ARMH1: variants seen among roughly 807,000 people sequenced by gnomAD.
The protein encoded by ARMH1 is armadillo like helical domain containing 1.
In ARMH1, 34 loss-of-function variants were observed where a neutral mutation model predicts 50.2. The ratio of observed to expected loss-of-function variants is 0.68; its 90% CI spans 0.51 to 0.90. The LOEUF (loss-of-function observed/expected upper bound fraction) is 0.90, where lower values mean the gene tolerates loss of function less well. Ranked by LOEUF, ARMH1 falls within the 40% of genes least tolerant of loss-of-function variation. The probability of loss-of-function intolerance (pLI) is 0.00; values close to 1 mark genes in which losing one functional copy is unlikely to be tolerated. For missense variants in ARMH1, 538 were observed against 553.9 expected (o/e 0.97, Z 0.29); for synonymous variants, 221 against 224.2 (o/e 0.99, Z 0.13).
intron 5 of ARMH1, among the ~76,000 whole-genome samples, chr1:44,703,561 A>G (rs1362050653): frequency 1.4e-3 from 74 of 53,846 alleles, no homozygotes; most frequent in Middle Eastern, 0.018. Context: ...CGTCTCTACT[A>G]AAAAAAAAAA....
In ARMH1 at chr1:44,724,327, G is replaced by C. The variant is rs1458398937; in HGVS notation, c.855G>C (p.Ser285=). The C allele has an allele frequency of 1.3e-6, 2 of 1,551,412 alleles. No individual in the cohort carries two copies. Among genetic ancestry groups the C allele is most frequent in the Non-Finnish European group, 1.7e-6 (2 of 1,146,974 alleles). The part of the protein sequence containing the change: ...KLQAKILSDP[S]VLQLTPSLPM... ...CGGCTGCCCCCTCCTCAGACCCCTC[G>C]GTTCTCCAGCTCACCCCCAGCCTGC... The change falls in exon 8 of 12, where the codon TCG becomes TCC. Residue 285 remains serine, a synonymous_variant. Transcript: ENST00000535358. The surrounding 1 kb of genome is among the most constrained non-coding windows in gnomAD (Gnocchi z 6.4).
intron 1 of ARMH1, among the ~76,000 whole-genome samples, chr1:44,680,557 G>A (rs1645274420): frequency 6.6e-6 from 1 of 152,228 alleles, no homozygotes; most frequent in African/African-American, 2.4e-5. Flanking sequence ...GGAGAAATCT[G>A]GGGGTGAAGC....
chr1:44,700,429 A>G (rs930354308), intron 4 of ARMH1, among the ~76,000 whole-genome samples: 3 of 152,088 alleles, frequency 2.0e-5, no homozygotes, highest in Admixed American at 6.5e-5. Flanking sequence ...CATCCTGGCT[A>G]ACACTGTGAA....
At chr1:44,708,098 T>C (rs779732911) in intron 6 of ARMH1, among the ~76,000 whole-genome samples, 53 of 152,304 alleles carry the variant, frequency 3.5e-4, no homozygotes, top group Admixed American at 1.6e-3. Flanking sequence ...ATGGTCAGAG[T>C]AGACGGGAAG....
At chr1:44,721,614 A>C (rs973546913) in intron 6 of ARMH1, among the ~76,000 whole-genome samples, 1 of 152,106 alleles carries the variant, frequency 6.6e-6, no homozygotes, top group African/African-American at 2.4e-5. Context: ...ACAAAATTAG[A>C]CAGGCTTATG....
At position 44,724,996 on chromosome 1, in the gene ARMH1, G is replaced by C. The variant is rs1187555873; in HGVS notation, c.1129-140G>C. On this transcript the variant is annotated intron_variant, in intron 10 of 11. Transcript: ENST00000535358. This position sits in a 1 kb window ranked among gnomAD's most constrained non-coding sequence, Gnocchi z 6.4. ...TGCTCTGGCGTAGGCTCCTCCACCC[G>C]CCACCTTCCTGTTCCCTTTCCTGCC... The C allele has an allele frequency of 6.7e-6, 10 of 1,502,966 alleles. No individual in the cohort carries two copies. The highest frequency in any genetic ancestry group is 8.9e-6 in the Non-Finnish European group (10 of 1,123,030). The allele number at this position is 1,502,966 out of a possible 1,614,324, so 93.1% of individuals were successfully genotyped here. A position where few individuals can be genotyped will look rare whatever the true frequency, so the allele number is the denominator to read the frequency against.
intron 6 of ARMH1, among the ~76,000 whole-genome samples, chr1:44,722,989 T>C (rs1240638939): frequency 2.7e-5 from 4 of 150,058 alleles, no homozygotes; most frequent in African/African-American, 9.9e-5. Context: ...GCAGGAGAAT[T>C]GCTTGAACCC....
At chr1:44,691,492 A>C (rs548159128) in intron 2 of ARMH1, among the ~76,000 whole-genome samples, 135 of 151,732 alleles carry the variant, frequency 8.9e-4, no homozygotes, top group African/African-American at 3.1e-3. Flanking sequence ...CACTTCTCAA[A>C]ACACTCCTGG....
Position 44,709,549 on chromosome 1 carries a change from G to T in ARMH1, c.724+5376G>T, listed in dbSNP as rs141233300. Among the ~76,000 whole-genome samples the T allele has an allele frequency of 8.5e-3, 1,286 of 152,152 alleles. 12 individuals are homozygous for T. Among genetic ancestry groups the T allele is most frequent in the Middle Eastern group, 0.014 (4 of 294 alleles). ...TAGCCGGGCGTAGTGGCATGCGCCT[G>T]TAGTCCCACCTACACGGGAGGCTGA... is the stretch of plus-strand genomic sequence containing the variant. On this transcript the variant is annotated intron_variant, in intron 6 of 11. Transcript: ENST00000535358.
intron 5 of ARMH1, 59 bp from the exon 6 acceptor site, chr1:44,704,030 A>C: frequency 7.1e-7 from 1 of 1,415,676 alleles, no homozygotes; most frequent in Non-Finnish European, 9.7e-7. Context: ...CCGGCCGGGA[A>C]TCCATCTTTA....
In ARMH1 at chr1:44,689,879, G is replaced by A. The variant is rs142681287; in HGVS notation, c.182G>A (p.Arg61His). 6.6e-5 allele frequency: 103 copies of A among 1,550,744 alleles called. No homozygotes were observed. The highest frequency in any genetic ancestry group is 4.6e-4 in the East Asian group (19 of 40,914). The part of the protein sequence containing the change: ...FSQGASLFLV[R>H]LTTSLRITYM... ...CAGGGAGCCAGTTTGTTCCTGGTAC[G>A]CTTGACCACCTCGCTTAGAATCACG... is the stretch of plus-strand genomic sequence containing the variant. Residue 61 changes from arginine (R) to histidine (H), a missense_variant, in exon 2 of 12, where the codon CGC (arginine) becomes CAC (histidine). Arg to His is a conservative substitution (Grantham distance 29). Transcript: ENST00000535358.
Position 44,725,507 on chromosome 1 carries a change from G to C in ARMH1, c.*104G>C, listed in dbSNP as rs151331348. On this transcript the variant is annotated 3_prime_UTR_variant, in exon 12 of 12. Transcript: ENST00000535358. The stretch of plus-strand genomic sequence containing the variant: ...TCAGAGCCACTCCACTTGGCTCCAG[G>C]GGGGAGACGGGGATTAGGCATCCCA... 32 of 1,142,014 alleles carry C rather than the reference G, an allele frequency of 2.8e-5. No homozygotes were observed. The highest frequency in any genetic ancestry group is 1.3e-4 in the East Asian group (5 of 39,098). 70.7% of individuals were successfully genotyped at this position (1,142,014 alleles called of 1,614,324 possible).
At chr1:44,713,942 TTTA>T (rs1395656819) in intron 6 of ARMH1, among the ~76,000 whole-genome samples, 2 of 152,172 alleles carry the variant, frequency 1.3e-5, no homozygotes, top group Non-Finnish European at 2.9e-5. Context: ...AAAATATATT[TTTA>T]TTGTTTCAAC....
At chr1:44,699,912 C>T (rs1442764016) in intron 4 of ARMH1, among the ~76,000 whole-genome samples, 1 of 151,800 alleles carries the variant, frequency 6.6e-6, no homozygotes, top group East Asian at 1.9e-4. Flanking sequence ...TCACTACAAC[C>T]TCCACCTCCC....
chr1:44,725,331 C>G lies in ARMH1; in HGVS notation c.1251C>G (p.Leu417=). Residue 417 remains leucine, a synonymous_variant, in exon 12 of 12, where the codon CTC becomes CTG. Coordinates refer to ENST00000535358, the MANE Select transcript of ARMH1 (RefSeq NM_001145636.2). ...LHGSSYSMNT[L]YGSRDSAQMA... Reference sequence around the variant, plus strand: ...GCAGCTCCTACAGCATGAACACTCTCTATGGCTCGCGCGATTCGGCTCAGA... The same window carrying G: ...GCAGCTCCTACAGCATGAACACTCTGTATGGCTCGCGCGATTCGGCTCAGA... 4 of 1,551,762 alleles carry G rather than the reference C, an allele frequency of 2.6e-6. No homozygotes were observed. Among genetic ancestry groups the G allele is most frequent in the Non-Finnish European group, 3.5e-6 (4 of 1,147,014 alleles).
chr1:44,713,097 C>CT (rs538780455), intron 6 of ARMH1, among the ~76,000 whole-genome samples: 2,899 of 118,820 alleles, frequency 0.024, 78 homozygotes, highest in African/African-American at 0.033. Context: ...TGCGCCCGGC[C>CT]TTTTTTTTTT....
Position 44,700,920 on chromosome 1 carries a change from C to T in ARMH1, c.443-3C>T. The T allele has an allele frequency of 1.3e-6, 2 of 1,540,392 alleles. No individual in the cohort carries two copies. The highest frequency in any genetic ancestry group is 2.1e-5 in the Admixed American group (1 of 47,866). On this transcript the variant is annotated splice_polypyrimidine_tract_variant and splice_region_variant and intron_variant, in intron 4 of 11. Transcript: ENST00000535358. ...TTTAGCATTTCCTCTCTTCTTTGCT[C>T]AGGTGTACGATCCATAGCAGAATTT...
At chr1:44,689,996 G>A in intron 2 of ARMH1, 93 bp downstream of exon 2, 9 of 1,097,564 alleles carry the variant, frequency 8.2e-6, no homozygotes, top group Non-Finnish European at 1.2e-5. Flanking sequence ...AAGGTGGGCA[G>A]ATCACAAGGT....
At position 44,703,174 on chromosome 1, in the gene ARMH1, G is replaced by A. The variant is rs150300596; in HGVS notation, c.640-915G>A. On this transcript the variant is annotated intron_variant, in intron 5 of 11. Coordinates refer to ENST00000535358, the MANE Select transcript of ARMH1 (RefSeq NM_001145636.2). ...GATGGGATGAGGTTCCTGAGGAAGA[G>A]AAGATTTTAGGATCTTGAATGAGTT... Among the ~76,000 whole-genome samples, 88 of 152,310 alleles carry A rather than the reference G, an allele frequency of 5.8e-4. 3 individuals carry two copies. In the East Asian group the frequency reaches 0.015, roughly 25 times the overall value.
Sources: gnomAD v4.1 joint callset for allele counts (sites outside exome capture counted in the v4.1 genomes callset) on GRCh38, gnomAD v4.1.1 for gene constraint, Gnocchi (gnomAD v3.1) non-coding constraint, MANE v1.5 for transcripts, NCBI Gene and HGNC (gene_info 2026-07-23, HGNC 2026-07-21) for gene names.